CREB5: variants seen among roughly 807,000 people sequenced by gnomAD.
CREB5 encodes cAMP responsive element binding protein 5.
A neutral mutation model predicts 57.1 loss-of-function variants in CREB5; 19 were observed. That is an observed-to-expected ratio of 0.33 (90% CI 0.23 to 0.49). CREB5 has a LOEUF of 0.49. Ranked by LOEUF, CREB5 falls within the 20% of genes least tolerant of loss-of-function variation. CREB5 has a pLI of 0.99. For missense variants in CREB5, 579 were observed against 671.6 expected, an observed-to-expected ratio of 0.86 and a Z score of 1.52; for synonymous variants, 238 against 238.3, an observed-to-expected ratio of 1.00 and a Z score of 0.01.
chr7:28,406,284 T>C (rs1399306140), intron 1 of CREB5, among the ~76,000 whole-genome samples: 1 of 152,188 alleles, frequency 6.6e-6, no homozygotes, highest in African/African-American at 2.4e-5. Flanking sequence ...GCTTCCCCAC[T>C]GGCCCAGCTG....
chr7:28,502,871 C>T (rs372443645), intron 3 of CREB5, among the ~76,000 whole-genome samples: 16 of 152,138 alleles, frequency 1.1e-4, no homozygotes, highest in African/African-American at 3.9e-4. Context: ...GAAAATGAAA[C>T]AGAAAAACAC....
intron 5 of CREB5, among the ~76,000 whole-genome samples, chr7:28,571,659 C>G (rs1362258065): frequency 6.6e-6 from 1 of 152,182 alleles, no homozygotes; most frequent in Non-Finnish European, 1.5e-5. Flanking sequence ...GTCTGAGGAT[C>G]CGCAGCGTGG....
At chr7:28,730,387 T>C (rs1178924585) in intron 7 of CREB5, among the ~76,000 whole-genome samples, 2 of 151,896 alleles carry the variant, frequency 1.3e-5, no homozygotes, top group Admixed American at 1.3e-4. Flanking sequence ...TCTCCCTATG[T>C]TGCTTAGGCT....
intron 5 of CREB5, among the ~76,000 whole-genome samples, chr7:28,642,215 TC>T (rs1246511752): frequency 6.6e-6 from 1 of 152,240 alleles, no homozygotes; most frequent in Admixed American, 6.5e-5. Flanking sequence ...AAACCTGCTG[TC>T]GGTTCCTTGT....
intron 3 of CREB5, among the ~76,000 whole-genome samples, chr7:28,504,336 A>ACAGG (rs1792388709): frequency 6.6e-6 from 1 of 152,236 alleles, no homozygotes; most frequent in Middle Eastern, 3.2e-3. Context: ...AGAGCCAAGA[A>ACAGG]CAGGCACCAG....
intron 1 of CREB5, among the ~76,000 whole-genome samples, chr7:28,464,159 T>C (rs917981228): frequency 6.6e-6 from 1 of 152,146 alleles, no homozygotes; most frequent in South Asian, 2.1e-4. Context: ...TAAGCCAACA[T>C]TGTATTTCTG....
intron 7 of CREB5, among the ~76,000 whole-genome samples, chr7:28,766,934 G>C (rs1806033561): frequency 6.6e-6 from 1 of 152,208 alleles, no homozygotes; most frequent in Non-Finnish European, 1.5e-5. Context: ...CTGAAGTATG[G>C]AGTAAGGACA....
intron 5 of CREB5, chr7:28,615,963 T>G (rs1388254532): frequency 6.6e-6 from 1 of 152,244 alleles, no homozygotes; most frequent in African/African-American, 2.4e-5. Flanking sequence ...TAAAATTGGT[T>G]GACATGTCTT....
In CREB5 at chr7:28,790,151, C is replaced by T. The variant is rs893547118; in HGVS notation, c.703-14048C>T. Among the ~76,000 whole-genome samples, 18 of 152,158 alleles carry T rather than the reference C, an allele frequency of 1.2e-4. 1 individual carries two copies. The highest frequency in any genetic ancestry group is 1.1e-3 in the Admixed American group (17 of 15,282). ...TAATATTTATTTATTTCTTTGTTTACAAATTGAATTTTAGTGCATATCCCT... is the reference window on the plus strand; with the variant it reads ...TAATATTTATTTATTTCTTTGTTTATAAATTGAATTTTAGTGCATATCCCT... On this transcript the variant is annotated intron_variant, in intron 7 of 10. Coordinates refer to ENST00000357727, the MANE Select transcript of CREB5 (RefSeq NM_182898.4).
intron 6 of CREB5, among the ~76,000 whole-genome samples, chr7:28,719,257 T>C (rs535930747): frequency 7.2e-5 from 11 of 152,334 alleles, no homozygotes; most frequent in Non-Finnish European, 1.5e-4. Context: ...ATAATAACTA[T>C]AATAATATCA....
chr7:28,573,274 A>AT (rs1002837918), intron 5 of CREB5, among the ~76,000 whole-genome samples: 4 of 151,168 alleles, frequency 2.6e-5, no homozygotes, highest in South Asian at 4.2e-4. Context: ...TTTTTACTTT[A>AT]TTTTTTTTGA....
At chr7:28,450,866 A>T (rs1248281490) in intron 1 of CREB5, among the ~76,000 whole-genome samples, 2 of 152,186 alleles carry the variant, frequency 1.3e-5, no homozygotes, top group Non-Finnish European at 2.9e-5. Context: ...GTAGATGCAT[A>T]TCTTTATGGC....
intron 5 of CREB5, among the ~76,000 whole-genome samples, chr7:28,661,279 CT>C (rs1452838310): frequency 1.2e-4 from 19 of 152,198 alleles, no homozygotes; most frequent in African/African-American, 4.3e-4. Flanking sequence ...GCCCACTCTG[CT>C]GCCATAGCAT....
chr7:28,598,206 T>G (rs571152752), intron 5 of CREB5, among the ~76,000 whole-genome samples: 1 of 152,316 alleles, frequency 6.6e-6, no homozygotes, highest in Non-Finnish European at 1.5e-5. Context: ...TCACGAGATC[T>G]GATGGGTTTG....
chr7:28,302,411 C>G (rs1785111655), intron 1 of CREB5, among the ~76,000 whole-genome samples: 1 of 152,262 alleles, frequency 6.6e-6, no homozygotes, highest in East Asian at 1.9e-4. Flanking sequence ...TGACAATGGA[C>G]TTTAATGTGT....
intron 1 of CREB5, among the ~76,000 whole-genome samples, chr7:28,468,254 C>T (rs1318663152): frequency 6.6e-6 from 1 of 152,206 alleles, no homozygotes; most frequent in Non-Finnish European, 1.5e-5. Context: ...GCCAATAGTG[C>T]CAAGCACGTT....
At chr7:28,655,869 C>T (rs1799313852) in intron 5 of CREB5, among the ~76,000 whole-genome samples, 1 of 152,084 alleles carries the variant, frequency 6.6e-6, no homozygotes, top group African/African-American at 2.4e-5. Context: ...TGGGGAAACT[C>T]TAAATGTCTG....
intron 5 of CREB5, among the ~76,000 whole-genome samples, chr7:28,600,462 C>T (rs187087868): frequency 2.0e-4 from 30 of 152,216 alleles, no homozygotes; most frequent in African/African-American, 7.0e-4. Context: ...GGAGAAAACT[C>T]GCTGTAGCAG....
intron 1 of CREB5, among the ~76,000 whole-genome samples, chr7:28,413,295 G>T (rs1001596849): frequency 1.3e-5 from 2 of 151,586 alleles, no homozygotes; most frequent in African/African-American, 2.4e-5. Context: ...TCTTGAAAAA[G>T]AAACCTAAAA....
Sources: allele counts gnomAD v4.1 joint callset (sites outside exome capture counted in the v4.1 genomes callset), GRCh38; gene constraint gnomAD v4.1.1; transcripts MANE v1.5; gene names NCBI Gene and HGNC (gene_info 2026-07-23, HGNC 2026-07-21).